The following TTBK2 variants were observed in gnomAD, a reference collection of about 807,000 sequenced individuals.
TTBK2 encodes tau tubulin kinase 2.
In TTBK2, 28 loss-of-function variants were observed where a neutral mutation model predicts 110.8. The ratio of observed to expected loss-of-function variants is 0.25; its 90% CI spans 0.19 to 0.35. The LOEUF (loss-of-function observed/expected upper bound fraction) is 0.35. Among genes scored for constraint, TTBK2 ranks in the 10% least tolerant of loss-of-function variants. TTBK2 has a pLI of 1.00. For missense variants in TTBK2, 1,369 were observed against 1,500.3 expected (o/e 0.91, Z 1.45); for synonymous variants, 532 against 527.3 (o/e 1.01, Z -0.12).
chr15:42,801,925 GC>G, intron 9 of TTBK2: 1 of 1,581,570 alleles, frequency 6.3e-7, no homozygotes, highest in Non-Finnish European at 8.6e-7. Flanking sequence ...GCCAAGCTCC[GC>G]CTCCAGCTTC....
In TTBK2 at chr15:42,872,819, A is replaced by T; in HGVS notation, c.70-61T>A. On this transcript the variant is annotated intron_variant, in intron 2 of 14. Coordinates refer to ENST00000267890, the MANE Select transcript of TTBK2 (RefSeq NM_173500.4). ...ACTAGAAGATTCTAACTTGAAAGCAATTGATCTCTTATATTTAGAAAATGT... is the reference window on the plus strand; with the variant it reads ...ACTAGAAGATTCTAACTTGAAAGCATTTGATCTCTTATATTTAGAAAATGT... 4 of 1,585,496 alleles carry T rather than the reference A, an allele frequency of 2.5e-6. No individual in the cohort carries two copies. The East Asian group carries it at 9.0e-5, about 36-fold the overall frequency.
intron 3 of TTBK2, among the ~76,000 whole-genome samples, chr15:42,856,792 T>C (rs1893962006): frequency 6.6e-6 from 1 of 152,228 alleles, no homozygotes. Context: ...CCAGGCGTGA[T>C]GGCTCACACC....
chr15:42,781,018 A>C (rs1055804000), intron 11 of TTBK2, among the ~76,000 whole-genome samples: 2 of 152,072 alleles, frequency 1.3e-5, no homozygotes, highest in Admixed American at 1.3e-4. Context: ...AATTAAGCTG[A>C]CTAATTAAAA....
intron 4 of TTBK2, among the ~76,000 whole-genome samples, chr15:42,839,149 C>A (rs1318862984): frequency 6.6e-6 from 1 of 152,076 alleles, no homozygotes; most frequent in African/African-American, 2.4e-5. Flanking sequence ...CTCTTTGTAT[C>A]CATGTGTACT....
chr15:42,902,986 C>CA (rs34312217), intron 1 of TTBK2, among the ~76,000 whole-genome samples: 3,026 of 71,136 alleles, frequency 0.043, 55 homozygotes, highest in South Asian at 0.13. Flanking sequence ...CTCTGTTTCT[C>CA]AAAAAAAAAA....
chr15:42,857,357 A>C (rs1368687859), intron 3 of TTBK2: 1 of 152,086 alleles, frequency 6.6e-6, no homozygotes, highest in Admixed American at 6.5e-5. Flanking sequence ...ATCTACAAAA[A>C]TTTTTTTAAA....
intron 1 of TTBK2, among the ~76,000 whole-genome samples, chr15:42,918,654 C>T (rs963635740): frequency 1.3e-5 from 2 of 152,016 alleles, no homozygotes; most frequent in Admixed American, 6.6e-5. Flanking sequence ...AAAATACGCT[C>T]GAAAATGGTC....
chr15:42,920,457 G>C lies in TTBK2; in HGVS notation c.-87C>G, dbSNP rs1054137141. 6.6e-6 allele frequency: 1 copy of C among 152,496 alleles called. No individual in the cohort carries two copies. Among genetic ancestry groups the C allele is most frequent in the Non-Finnish European group, 1.5e-5 (1 of 68,304 alleles). 9.4% of individuals were successfully genotyped at this position (152,496 alleles called of 1,614,324 possible). Reference sequence around the variant, plus strand: ...TCCTACCTGGGCCGTGGCGGACGCAGGGGTTTCTGGAGGAGGGCTCTGGTC... The same window carrying C: ...TCCTACCTGGGCCGTGGCGGACGCACGGGTTTCTGGAGGAGGGCTCTGGTC... On this transcript the variant is annotated 5_prime_UTR_variant, in exon 1 of 15. Coordinates refer to ENST00000267890, the MANE Select transcript of TTBK2 (RefSeq NM_173500.4).
At chr15:42,914,415 C>T (rs2030969422) in intron 1 of TTBK2, among the ~76,000 whole-genome samples, 1 of 152,142 alleles carries the variant, frequency 6.6e-6, no homozygotes, top group African/African-American at 2.4e-5. Flanking sequence ...GACACTATAG[C>T]CATCTACTTG....
chr15:42,873,191 G>C (rs1287954913), intron 2 of TTBK2, among the ~76,000 whole-genome samples: 1 of 152,094 alleles, frequency 6.6e-6, no homozygotes, highest in African/African-American at 2.4e-5. Context: ...TAGCACTTTG[G>C]GAGGCCAAGG....
intron 1 of TTBK2, among the ~76,000 whole-genome samples, chr15:42,901,701 C>T (rs571039223): frequency 2.0e-5 from 3 of 151,682 alleles, no homozygotes; most frequent in Non-Finnish European, 2.9e-5. Flanking sequence ...AAAGACAACC[C>T]ACAAAATGGG....
At chr15:42,771,012 C>T (rs1335587392) in intron 13 of TTBK2, among the ~76,000 whole-genome samples, 2 of 150,242 alleles carry the variant, frequency 1.3e-5, no homozygotes, top group Non-Finnish European at 2.9e-5. Flanking sequence ...CTTGCTCTGT[C>T]GCCCAGGCTG....
chr15:42,775,397 G>A lies in TTBK2; in HGVS notation c.1736C>T (p.Ser579Phe). The A allele has an allele frequency of 6.2e-7, 1 of 1,614,208 alleles. No homozygotes were observed. The change falls in exon 13 of 15, where the codon TCT (serine) becomes TTT (phenylalanine). Residue 579 changes from serine to phenylalanine, a missense_variant. Physicochemically the swap from Ser to Phe is radical, Grantham distance 155. This residue lies in a region of TTBK2 where 1,097 missense variants were observed against 1,114.7 expected (regional missense o/e 0.98). Coordinates refer to ENST00000267890, the MANE Select transcript of TTBK2 (RefSeq NM_173500.4). Reference sequence around the variant, plus strand: ...TTGAAGTACTTCAGGCTCCTCATCAGAAGGACTTCCAGTTGTTTTATGTCC... The same window carrying A: ...TTGAAGTACTTCAGGCTCCTCATCAAAAGGACTTCCAGTTGTTTTATGTCC... ...AVGHKTTGSP[S>F]DEEPEVLQVL...
rs1320455421 is a variant in TTBK2, at chr15:42,781,014, GCTGA to G, written c.1197+2401_1197+2404del. Among the ~76,000 whole-genome samples the G allele has an allele frequency of 9.9e-5, 15 of 152,010 alleles. No homozygotes were observed. In the East Asian group the frequency reaches 2.7e-3, roughly 27 times the overall value. On this transcript the variant is annotated intron_variant, in intron 11 of 14. Transcript: ENST00000267890. ...ATAATTCTAAATGTAAATCAATTAA[GCTGA>G]CTAATTAAAACATAAAGACGTAAGA...
chr15:42,842,541 G>C (rs770135435), intron 3 of TTBK2, among the ~76,000 whole-genome samples: 2 of 152,036 alleles, frequency 1.3e-5, no homozygotes, highest in Non-Finnish European at 2.9e-5. Context: ...GTGGACTGAT[G>C]AAACACTAAA....
chr15:42,796,320 C>T (rs1225212711), intron 9 of TTBK2, among the ~76,000 whole-genome samples: 1 of 152,098 alleles, frequency 6.6e-6, no homozygotes, highest in Non-Finnish European at 1.5e-5. Context: ...ACAAGAATTG[C>T]TTGAGCCTGG....
intron 6 of TTBK2, among the ~76,000 whole-genome samples, chr15:42,820,554 G>A (rs1226961071): frequency 6.6e-6 from 1 of 152,166 alleles, no homozygotes; most frequent in Non-Finnish European, 1.5e-5. Context: ...TTGCATTTGT[G>A]CAAAAATAGT....
chr15:42,794,912 T>C, intron 9 of TTBK2, 111 bp from the exon 10 acceptor site: 2 of 1,443,758 alleles, frequency 1.4e-6, no homozygotes, highest in Non-Finnish European at 1.9e-6. Context: ...TGATTTTCTT[T>C]AAAAACTGAT....
intron 13 of TTBK2, among the ~76,000 whole-genome samples, chr15:42,773,486 T>C (rs969824642): frequency 2.0e-5 from 3 of 151,876 alleles, no homozygotes; most frequent in Admixed American, 2.0e-4. Flanking sequence ...TTCAAAGATA[T>C]CTAAAAATAA....
Sources: allele counts gnomAD v4.1 joint callset (sites outside exome capture counted in the v4.1 genomes callset), GRCh38; gene constraint gnomAD v4.1.1; regional missense constraint gnomAD v4.1.1; transcripts MANE v1.5; gene names NCBI Gene and HGNC (gene_info 2026-07-23, HGNC 2026-07-21).